POLE2: variants seen among roughly 807,000 people sequenced by gnomAD.
POLE2 encodes the protein DNA polymerase epsilon 2, accessory subunit, also known as DNA polymerase epsilon subunit 2.
A neutral mutation model predicts 79.4 loss-of-function variants in POLE2; 56 were observed. The observed-to-expected ratio is 0.71, with a 90% CI of 0.57 to 0.88. The LOEUF (loss-of-function observed/expected upper bound fraction) is 0.88. Ranked by LOEUF, POLE2 falls within the 40% of genes least tolerant of loss-of-function variation. POLE2 has a pLI of 0.00. For missense variants in POLE2, 598 were observed against 638.9 expected, an observed-to-expected ratio of 0.94 and a Z score of 0.69; for synonymous variants, 212 against 214.0, an observed-to-expected ratio of 0.99 and a Z score of 0.08.
Position 49,650,337 on chromosome 14 carries a change from G to A in POLE2, c.1425C>T (p.Pro475=), listed in dbSNP as rs776247497. 9.3e-6 allele frequency: 15 copies of A among 1,610,998 alleles called. No homozygotes were observed. The highest frequency in any genetic ancestry group is 1.6e-4 in the Middle Eastern group (1 of 6,074). The change falls in exon 17 of 19, where the codon CCC becomes CCT. Residue 475 remains proline (P), a synonymous_variant. Transcript: ENST00000216367. ...YDYALRVYPV[P]DLLVIADKYD... is the part of the protein sequence containing the mutation. Reference sequence around the variant, plus strand: ...ATTTGTCTGCAATGACAAGTAGATCGGGCACAGGATACACTCTCAAAGCAT... The same window carrying A: ...ATTTGTCTGCAATGACAAGTAGATCAGGCACAGGATACACTCTCAAAGCAT...
At chr14:49,681,370 T>G (rs1318743009) in intron 2 of POLE2, 1 of 202,830 alleles carries the variant, frequency 4.9e-6, no homozygotes, top group Non-Finnish European at 1.1e-5. Context: ...TGAAATGGAC[T>G]GCAAATCATA....
At chr14:49,669,718 C>A in intron 5 of POLE2, 120 bp from the exon 6 acceptor site, 5 of 584,836 alleles carry the variant, frequency 8.5e-6, no homozygotes, top group Non-Finnish European at 9.1e-6. Flanking sequence ...TTATTCTCCA[C>A]AAATTTGAAA....
intron 6 of POLE2, among the ~76,000 whole-genome samples, chr14:49,666,939 G>A (rs1277675841): frequency 1.3e-5 from 2 of 151,982 alleles, no homozygotes; most frequent in African/African-American, 2.4e-5. Flanking sequence ...AGTGGCTCAC[G>A]CCTGTAATCC....
rs1188265661 is a variant in POLE2, at chr14:49,665,068, T to C, written c.633+39A>G. ...ATATAATCAATTTCCCCAATTCACGTAATGCAGATTTTAAAAAATACAGAC... is the reference window on the plus strand; with the variant it reads ...ATATAATCAATTTCCCCAATTCACGCAATGCAGATTTTAAAAAATACAGAC... On this transcript the variant is annotated intron_variant, in intron 8 of 18. Coordinates refer to ENST00000216367, the MANE Select transcript of POLE2 (RefSeq NM_002692.4). The C allele has an allele frequency of 5.4e-6, 5 of 924,758 alleles. No homozygotes were observed. In the South Asian group the frequency reaches 7.0e-5, roughly 13 times the overall value. 57.3% of individuals were successfully genotyped at this position (924,758 alleles called of 1,614,324 possible).
intron 10 of POLE2, among the ~76,000 whole-genome samples, chr14:49,661,247 G>T (rs1262387972): frequency 6.6e-6 from 1 of 152,058 alleles, no homozygotes; most frequent in Non-Finnish European, 1.5e-5. Flanking sequence ...TACTGCACAG[G>T]GTTACTAGAA....
chr14:49,672,319 G>A (rs1225003398), intron 5 of POLE2, among the ~76,000 whole-genome samples: 1 of 152,150 alleles, frequency 6.6e-6, no homozygotes, highest in African/African-American at 2.4e-5. Context: ...TATACTTTGG[G>A]CAGATTAACC....
At chr14:49,650,037 T>C in intron 17 of POLE2, 3 of 264,840 alleles carry the variant, frequency 1.1e-5, no homozygotes, top group Non-Finnish European at 2.1e-5. Context: ...TGCTTGTGGG[T>C]ATGCTTGTTT....
At chr14:49,680,003 A>G (rs137947537) in intron 2 of POLE2, among the ~76,000 whole-genome samples, 1 of 152,292 alleles carries the variant, frequency 6.6e-6, no homozygotes, top group East Asian at 1.9e-4. Flanking sequence ...CAAAGTTACA[A>G]TACCTTAATA....
intron 1 of POLE2, among the ~76,000 whole-genome samples, chr14:49,684,390 G>A (rs573353994): frequency 4.5e-4 from 68 of 152,014 alleles, no homozygotes; most frequent in African/African-American, 1.5e-3. Context: ...GCGTGAACCC[G>A]GGAGGCAGAG....
chr14:49,684,661 TA>T (rs568332625), intron 1 of POLE2: 1,965 of 100,312 alleles, frequency 0.02, 18 homozygotes, highest in African/African-American at 0.031. Flanking sequence ...TGACCATCAT[TA>T]AAAAAAAAAA....
At chr14:49,664,043 A>G (rs1315757454) in intron 9 of POLE2, among the ~76,000 whole-genome samples, 1 of 86,868 alleles carries the variant, frequency 1.2e-5, no homozygotes, top group Non-Finnish European at 2.5e-5. Context: ...TCTCAAAAGA[A>G]AAAAAAAAAA....
At position 49,679,806 on chromosome 14, in the gene POLE2, A is replaced by G. The variant is rs145475615; in HGVS notation, c.170-6T>C. 2.0e-3 allele frequency: 3,042 copies of G among 1,556,476 alleles called. 57 individuals are homozygous for G. The African/African-American group carries it at 0.036, about 18-fold the overall frequency. On this transcript the variant is annotated splice_region_variant and splice_polypyrimidine_tract_variant and intron_variant, in intron 2 of 18. Coordinates refer to ENST00000216367, the MANE Select transcript of POLE2 (RefSeq NM_002692.4). ...TTCAATCATGTTTGATGACACTGAA[A>G]AGAGAATTTCAAAGTCAAAATTTAA... is the stretch of plus-strand genomic sequence containing the variant.
chr14:49,674,345 C>T lies in POLE2; in HGVS notation c.323+5G>A, dbSNP rs760160798. ...TAATTTAAAATCAGTGGATGACATA[C>T]TTACGGAAGAAATTTTTTTCTTTCT... On this transcript the variant is annotated splice_donor_5th_base_variant and intron_variant, in intron 4 of 18. Transcript: ENST00000216367. 1.3e-6 allele frequency: 2 copies of T among 1,582,622 alleles called. No individual in the cohort carries two copies. Among genetic ancestry groups the T allele is most frequent in the Non-Finnish European group, 1.7e-6 (2 of 1,152,284 alleles).
intron 3 of POLE2, chr14:49,677,229 C>G (rs755451378): frequency 6.4e-6 from 5 of 781,164 alleles, no homozygotes; most frequent in Non-Finnish European, 1.1e-5. Context: ...TCACGGCTTA[C>G]TGTCTGAGGG....
At chr14:49,680,258 G>A (rs1192798353) in intron 2 of POLE2, among the ~76,000 whole-genome samples, 4 of 152,014 alleles carry the variant, frequency 2.6e-5, no homozygotes, top group African/African-American at 7.3e-5. Flanking sequence ...GCCAAGATGG[G>A]AGGATCACCT....
intron 10 of POLE2, among the ~76,000 whole-genome samples, chr14:49,662,911 C>A (rs1218241786): frequency 1.3e-5 from 2 of 152,170 alleles, no homozygotes; most frequent in African/African-American, 4.8e-5. Context: ...TATTATGATG[C>A]TTTCACTTAT....
intron 2 of POLE2, among the ~76,000 whole-genome samples, chr14:49,682,640 GAAAAAAAAAAAAAAAA>G (rs35984833): frequency 1.6e-5 from 1 of 60,976 alleles, no homozygotes. Context: ...CCTTCTCAGG[GAAAAAAAAAAAAAAAA>G]AAAAAAAAAA....
rs1266982158 is a variant in POLE2, at chr14:49,647,335, G to A, written c.1523C>T (p.Ser508Leu). ...ATTAGAAGGATAAAAAACTTTGAAT[G>A]AAAATCCACTTCTTGGAAAAGAGCC... ...NPGSFPRSGF[S>L]FKVFYPSNKT... The change falls in exon 18 of 19, where the codon TCA becomes TTA. Residue 508 changes from serine to leucine, a missense_variant. Physicochemically the swap from Ser to Leu is moderately radical, Grantham distance 145. Transcript: ENST00000216367. The A allele has an allele frequency of 1.3e-6, 2 of 1,572,232 alleles. No homozygotes were observed. Among genetic ancestry groups the A allele is most frequent in the Non-Finnish European group, 1.7e-6 (2 of 1,155,714 alleles).
chr14:49,682,367 A>G (rs45514395), intron 2 of POLE2, among the ~76,000 whole-genome samples: 38,766 of 149,892 alleles, frequency 0.26, 6,344 homozygotes, highest in African/African-American at 0.46. Context: ...ACCAGGTACA[A>G]TGGCTCACGC....
Sources: gnomAD v4.1 joint callset for allele counts (sites outside exome capture counted in the v4.1 genomes callset) on GRCh38, gnomAD v4.1.1 for gene constraint, MANE v1.5 for transcripts, NCBI Gene and HGNC (gene_info 2026-07-23, HGNC 2026-07-21) for gene names.